Variants in NEO1 observed in about 807,000 individuals in gnomAD.
NEO1 encodes the protein neogenin.
Under a neutral mutation model 159.7 loss-of-function variants are expected in NEO1, and 63 were observed. The ratio of observed to expected loss-of-function variants is 0.39; its 90% CI spans 0.32 to 0.49. The LOEUF (loss-of-function observed/expected upper bound fraction) is 0.49, where lower values mean the gene tolerates loss of function less well. Ranked by LOEUF, NEO1 falls within the 20% of genes least tolerant of loss-of-function variation. The pLI, the probability that NEO1 is intolerant of heterozygous loss-of-function variation, is 0.85. For missense variants in NEO1, 1,615 were observed against 1,831.0 expected (o/e 0.88, Z 2.15); for synonymous variants, 633 against 662.0 (o/e 0.96, Z 0.67).
chr15:73,135,984 T>C lies in NEO1; in HGVS notation c.972T>C (p.Asn324=), dbSNP rs988813007. The part of the protein sequence containing the change: ...DAGTYFCIAD[N]GNETIEAQAE... ...GGACTTATTTTTGTATAGCTGATAA[T>C]GGAAATGAGACAATTGAAGCTCAAG... is the stretch of plus-strand genomic sequence containing the variant. The change falls in exon 5 of 29, where the codon AAT becomes AAC. Residue 324 remains asparagine (N), a synonymous_variant. Transcript: ENST00000261908. 1.2e-6 allele frequency: 2 copies of C among 1,611,510 alleles called. No homozygotes were observed. Among genetic ancestry groups the C allele is most frequent in the Admixed American group, 1.7e-5 (1 of 59,754 alleles).
At chr15:73,108,040 C>A (rs569267946) in intron 1 of NEO1, among the ~76,000 whole-genome samples, 15 of 152,244 alleles carry the variant, frequency 9.9e-5, no homozygotes, top group Admixed American at 2.6e-4. Flanking sequence ...ACAACAACAA[C>A]AAAACCCAAA....
intron 21 of NEO1, 56 bp from the exon 22 acceptor site, chr15:73,278,075 T>C: frequency 6.7e-7 from 1 of 1,488,980 alleles, no homozygotes; most frequent in South Asian, 1.2e-5. Context: ...AGCTATGAAG[T>C]GGACTGTCAC....
chr15:73,225,907 C>A (rs912335361), intron 7 of NEO1, among the ~76,000 whole-genome samples: 1 of 152,178 alleles, frequency 6.6e-6, no homozygotes. Flanking sequence ...CCCAAAGGAT[C>A]CCTGTGGTGC....
At position 73,244,325 on chromosome 15, in the gene NEO1, C is replaced by A. The variant is rs557423663; in HGVS notation, c.1452-19C>A. On this transcript the variant is annotated intron_variant, in intron 8 of 28. Transcript: ENST00000261908. ...TATTCCTAATTAATGCTATCTCTCT[C>A]CAAATCCTTTGTCTAAAGGGAACGT... is the stretch of plus-strand genomic sequence containing the variant. 6.2e-7 allele frequency: 1 copy of A among 1,606,964 alleles called. No homozygotes were observed. The highest frequency in any genetic ancestry group is 8.5e-7 in the Non-Finnish European group (1 of 1,176,292).
In NEO1 at chr15:73,249,566, G is replaced by A. The variant is rs757207932; in HGVS notation, c.1756-17G>A. The A allele has an allele frequency of 6.9e-6, 11 of 1,586,046 alleles. No individual in the cohort carries two copies. In the East Asian group the frequency reaches 1.6e-4, roughly 23 times the overall value. On this transcript the variant is annotated splice_polypyrimidine_tract_variant and intron_variant, in intron 10 of 28. Coordinates refer to ENST00000261908, the MANE Select transcript of NEO1 (RefSeq NM_002499.4). ...TGGCTTGAGTGCATATGTATAAAGT[G>A]TTTTATTTTATTCAAGGATGTTGAT...
chr15:73,125,707 A>C (rs1157622301), intron 3 of NEO1, among the ~76,000 whole-genome samples: 2 of 152,176 alleles, frequency 1.3e-5, no homozygotes, highest in Non-Finnish European at 2.9e-5. Context: ...CAAGAGGACA[A>C]CTCTATAAAG....
rs150296314 is a variant in NEO1, at chr15:73,095,891, G to A, written c.131-20649G>A. Among the ~76,000 whole-genome samples, 677 of 152,228 alleles carry A rather than the reference G, an allele frequency of 4.4e-3. 2 individuals carry two copies. Among genetic ancestry groups the A allele is most frequent in the Non-Finnish European group, 7.1e-3 (481 of 68,016 alleles). On this transcript the variant is annotated intron_variant, in intron 1 of 28. Transcript: ENST00000261908. The stretch of plus-strand genomic sequence containing the variant: ...ATGCCTGAATAGGATCTAGTTTGAG[G>A]TGCTACCAGGGATAAAACATCATTT...
At chr15:73,133,758 G>T (rs1486192203) in intron 4 of NEO1, among the ~76,000 whole-genome samples, 2 of 151,858 alleles carry the variant, frequency 1.3e-5, no homozygotes, top group Non-Finnish European at 2.9e-5. Flanking sequence ...AGGCTCGATG[G>T]TCTTTTTACT....
At chr15:73,195,276 A>C (rs2036474833) in intron 7 of NEO1, among the ~76,000 whole-genome samples, 1 of 152,214 alleles carries the variant, frequency 6.6e-6, no homozygotes, top group Admixed American at 6.5e-5. Flanking sequence ...AATATCTTTT[A>C]ATTGGTAGTT....
At position 73,279,600 on chromosome 15, in the gene NEO1, C is replaced by T. The variant is rs180714846; in HGVS notation, c.3262+1401C>T. Among the ~76,000 whole-genome samples the T allele has an allele frequency of 1.1e-3, 163 of 152,138 alleles. 3 individuals carry two copies. The highest frequency in any genetic ancestry group is 0.01 in the Admixed American group (160 of 15,270). ...CTGATCTCAGGTGATCCGCCCACCT[C>T]GGCCTCCCAAAGTGCTGGGATTACA... On this transcript the variant is annotated intron_variant, in intron 22 of 28. Transcript: ENST00000261908.
chr15:73,150,807 T>C (rs1323280199), intron 5 of NEO1, among the ~76,000 whole-genome samples: 1 of 152,248 alleles, frequency 6.6e-6, no homozygotes, highest in Non-Finnish European at 1.5e-5. Context: ...CTCTGCTTAC[T>C]ACCCCAGAGG....
chr15:73,089,602 AT>A (rs200249919), intron 1 of NEO1, among the ~76,000 whole-genome samples: 584 of 139,590 alleles, frequency 4.2e-3, no homozygotes, highest in Middle Eastern at 7.2e-3. Context: ...AACTTACACC[AT>A]TTTTTTTTTT....
intron 8 of NEO1, among the ~76,000 whole-genome samples, chr15:73,243,800 A>G (rs1361257385): frequency 1.3e-5 from 2 of 152,232 alleles, no homozygotes; most frequent in African/African-American, 2.4e-5. Flanking sequence ...AAAAATCAGT[A>G]TTGTAATCAG....
intron 22 of NEO1, among the ~76,000 whole-genome samples, chr15:73,282,461 G>A (rs900182827): frequency 6.6e-6 from 1 of 152,170 alleles, no homozygotes; most frequent in Non-Finnish European, 1.5e-5. Flanking sequence ...CTCTGCGTAG[G>A]CTGTGTATTT....
At position 73,073,021 on chromosome 15, in the gene NEO1, T is replaced by C. The variant is rs560621076; in HGVS notation, c.130+20216T>C. On this transcript the variant is annotated intron_variant, in intron 1 of 28. Transcript: ENST00000261908. ...AGAACATGCGTTTAATTTTGGACAT[T>C]ATGAATTTGATACACCTTTGTGATA... Among the ~76,000 whole-genome samples, 3 of 152,274 alleles carry C rather than the reference T, an allele frequency of 2.0e-5. No homozygotes were observed. The South Asian group carries it at 6.2e-4, about 32-fold the overall frequency.
At chr15:73,100,288 C>A (rs140769767) in intron 1 of NEO1, among the ~76,000 whole-genome samples, 1 of 152,010 alleles carries the variant, frequency 6.6e-6, no homozygotes, top group East Asian at 1.9e-4. Context: ...CAGTTCAGTC[C>A]TATTTATTTC....
At chr15:73,276,939 T>C (rs1211028860) in intron 21 of NEO1, among the ~76,000 whole-genome samples, 1 of 152,192 alleles carries the variant, frequency 6.6e-6, no homozygotes, top group African/African-American at 2.4e-5. Context: ...ATGCTTGTAA[T>C]AGGAGTGGTT....
chr15:73,171,787 A>G (rs916013734), intron 5 of NEO1, among the ~76,000 whole-genome samples: 11 of 151,762 alleles, frequency 7.2e-5, no homozygotes, highest in African/African-American at 2.4e-4. Context: ...GACTACAGGC[A>G]TGAGTCACCA....
At chr15:73,184,104 GA>G (rs2035777553) in intron 7 of NEO1, among the ~76,000 whole-genome samples, 1 of 152,052 alleles carries the variant, frequency 6.6e-6, no homozygotes, top group Non-Finnish European at 1.5e-5. Context: ...GATGTTCTTA[GA>G]AAATATACCA....
Sources: gnomAD v4.1 joint callset for allele counts (sites outside exome capture counted in the v4.1 genomes callset) on GRCh38, gnomAD v4.1.1 for gene constraint, MANE v1.5 for transcripts, NCBI Gene and HGNC (gene_info 2026-07-23, HGNC 2026-07-21) for gene names.